Variants in RGS7BP observed in about 807,000 individuals in gnomAD.
The protein encoded by RGS7BP is regulator of G protein signaling 7-binding protein.
In RGS7BP, 9 loss-of-function variants were observed where a neutral mutation model predicts 31.3. The ratio of observed to expected loss-of-function variants is 0.29; its 90% CI spans 0.17 to 0.50. The LOEUF (loss-of-function observed/expected upper bound fraction) is 0.50. RGS7BP is among the 20% of genes least tolerant of loss of function. The pLI, the probability that RGS7BP is intolerant of heterozygous loss-of-function variation, is 0.98. For missense variants in RGS7BP, 274 were observed against 322.0 expected (o/e 0.85, Z 1.14); for synonymous variants, 115 against 120.1 (o/e 0.96, Z 0.28).
intron 2 of RGS7BP, among the ~76,000 whole-genome samples, chr5:64,516,705 T>A (rs1748985055): frequency 6.6e-6 from 1 of 152,130 alleles, no homozygotes; most frequent in Admixed American, 6.5e-5. Flanking sequence ...AAATCCAAAT[T>A]TTTAACAAGC....
intron 5 of RGS7BP, among the ~76,000 whole-genome samples, chr5:64,604,247 C>T (rs1743296678): frequency 6.6e-6 from 1 of 152,102 alleles, no homozygotes; most frequent in Non-Finnish European, 1.5e-5. Flanking sequence ...AGTTCTCATT[C>T]CTCGTGGCCC....
intron 5 of RGS7BP, among the ~76,000 whole-genome samples, chr5:64,606,347 C>T (rs1743365670): frequency 6.6e-6 from 1 of 151,784 alleles, no homozygotes. Context: ...GAGTTGCATT[C>T]TATAATGTAT....
chr5:64,542,285 C>G (rs114630138), intron 2 of RGS7BP, among the ~76,000 whole-genome samples: 1,963 of 152,330 alleles, frequency 0.013, 45 homozygotes, highest in African/African-American at 0.044. Flanking sequence ...CTCCCCAGAA[C>G]TTCCCCTTGT....
At position 64,506,721 on chromosome 5, in the gene RGS7BP, T is replaced by G; in HGVS notation, c.97T>G (p.Trp33Gly). Residue 33 changes from tryptophan to glycine, a missense_variant, in exon 1 of 6, where the codon TGG (tryptophan) becomes GGG (glycine). By Grantham distance (184) the Trp-to-Gly change is radical. Coordinates refer to ENST00000334025, the MANE Select transcript of RGS7BP (RefSeq NM_001029875.3). This position sits in a 1 kb window ranked among gnomAD's most constrained non-coding sequence, Gnocchi z 4.6. ...ISKPPLQSGD[W>G]ERRGSGSESA... Reference sequence around the variant, plus strand: ...CAAGCCCCCGCTGCAGAGCGGAGATTGGGAGCGCAGGGGCAGCGGCTCCGA... The same window carrying G: ...CAAGCCCCCGCTGCAGAGCGGAGATGGGGAGCGCAGGGGCAGCGGCTCCGA... 6.2e-7 allele frequency: 1 copy of G among 1,609,392 alleles called. No individual in the cohort carries two copies.
At chr5:64,592,042 G>A (rs747456555) in intron 3 of RGS7BP, among the ~76,000 whole-genome samples, 4 of 152,140 alleles carry the variant, frequency 2.6e-5, no homozygotes, top group African/African-American at 4.8e-5. Context: ...ACCTTTCTAT[G>A]AAGGCCATAA....
intron 2 of RGS7BP, among the ~76,000 whole-genome samples, chr5:64,561,946 A>T (rs929583342): frequency 6.6e-6 from 1 of 152,100 alleles, no homozygotes; most frequent in Non-Finnish European, 1.5e-5. Flanking sequence ...ATAATTCATC[A>T]TTAAGAAAGA....
At chr5:64,607,477 G>A (rs990923824) in intron 5 of RGS7BP, among the ~76,000 whole-genome samples, 1 of 152,016 alleles carries the variant, frequency 6.6e-6, no homozygotes, top group Non-Finnish European at 1.5e-5. Flanking sequence ...AACTGGAAGC[G>A]GGGCTTCTAA....
chr5:64,606,675 A>C (rs1743374908), intron 5 of RGS7BP, among the ~76,000 whole-genome samples: 1 of 152,132 alleles, frequency 6.6e-6, no homozygotes, highest in Non-Finnish European at 1.5e-5. Context: ...AAGAAGTAAG[A>C]GTCCTAAAAA....
chr5:64,542,700 T>A (rs1356972076), intron 2 of RGS7BP, among the ~76,000 whole-genome samples: 1 of 152,202 alleles, frequency 6.6e-6, no homozygotes, highest in African/African-American at 2.4e-5. Context: ...CATGGCTTGA[T>A]TTACCAGTAA....
chr5:64,602,482 AC>A (rs1370808190), intron 5 of RGS7BP, among the ~76,000 whole-genome samples: 2 of 152,136 alleles, frequency 1.3e-5, no homozygotes, highest in African/African-American at 2.4e-5. Flanking sequence ...CAGACCTCTC[AC>A]CCCAGCAGCC....
intron 2 of RGS7BP, among the ~76,000 whole-genome samples, chr5:64,569,703 C>A (rs1163139467): frequency 6.6e-6 from 1 of 152,152 alleles, no homozygotes; most frequent in Non-Finnish European, 1.5e-5. Context: ...CTGAAGCTGT[C>A]ACTGAGGTTG....
At chr5:64,605,497 A>G (rs1000631250) in intron 5 of RGS7BP, among the ~76,000 whole-genome samples, 1 of 152,148 alleles carries the variant, frequency 6.6e-6, no homozygotes, top group Non-Finnish European at 1.5e-5. Context: ...CAGGATTTCA[A>G]TCAATGTGGA....
chr5:64,539,957 G>A (rs747052040), intron 2 of RGS7BP, among the ~76,000 whole-genome samples: 7 of 151,894 alleles, frequency 4.6e-5, no homozygotes, highest in Non-Finnish European at 8.8e-5. Flanking sequence ...TCTGTTCTTC[G>A]TTCAACTGAT....
rs188674019 is a variant in RGS7BP, at chr5:64,577,221, G to A, written c.463+1317G>A. On this transcript the variant is annotated intron_variant, in intron 3 of 5. Coordinates refer to ENST00000334025, the MANE Select transcript of RGS7BP (RefSeq NM_001029875.3). ...TGGGAGGCTGAGGCGGGCAGATCACGAGGTCAGGAGATTGAGACCATCCTG... is the reference window on the plus strand; with the variant it reads ...TGGGAGGCTGAGGCGGGCAGATCACAAGGTCAGGAGATTGAGACCATCCTG... Among the ~76,000 whole-genome samples the A allele has an allele frequency of 1.3e-3, 193 of 152,086 alleles. 3 individuals are homozygous for A. Among genetic ancestry groups the A allele is most frequent in the African/African-American group, 4.2e-3 (176 of 41,478 alleles).
intron 4 of RGS7BP, among the ~76,000 whole-genome samples, chr5:64,595,565 G>T (rs1259868580): frequency 1.3e-5 from 2 of 152,016 alleles, no homozygotes; most frequent in East Asian, 3.9e-4. Context: ...TAAATACCAT[G>T]TCCCATCTAG....
At chr5:64,526,204 G>A (rs774358043) in intron 2 of RGS7BP, among the ~76,000 whole-genome samples, 1 of 152,194 alleles carries the variant, frequency 6.6e-6, no homozygotes, top group Non-Finnish European at 1.5e-5. Flanking sequence ...GAAAACAGGA[G>A]GGGCAAGGAA....
chr5:64,545,476 A>C (rs1000238412), intron 2 of RGS7BP, among the ~76,000 whole-genome samples: 1 of 152,136 alleles, frequency 6.6e-6, no homozygotes, highest in African/African-American at 2.4e-5. Context: ...AAGAGTTTTA[A>C]GCAAAACAAT....
At chr5:64,557,008 T>C (rs1484996361) in intron 2 of RGS7BP, among the ~76,000 whole-genome samples, 1 of 152,204 alleles carries the variant, frequency 6.6e-6, no homozygotes, top group Non-Finnish European at 1.5e-5. Context: ...CACTTATTCA[T>C]ATTTTGGAAA....
intron 2 of RGS7BP, among the ~76,000 whole-genome samples, chr5:64,520,145 A>G (rs991917584): frequency 6.6e-6 from 1 of 152,202 alleles, no homozygotes; most frequent in African/African-American, 2.4e-5. Flanking sequence ...TCTGGTCAAG[A>G]TGTTTGGTGG....
Sources: gnomAD v4.1 joint callset for allele counts (sites outside exome capture counted in the v4.1 genomes callset) on GRCh38, gnomAD v4.1.1 for gene constraint, Gnocchi (gnomAD v3.1) non-coding constraint, MANE v1.5 for transcripts, NCBI Gene and HGNC (gene_info 2026-07-23, HGNC 2026-07-21) for gene names.